CHD8: variants seen among roughly 807,000 people sequenced by gnomAD.
The protein encoded by CHD8 is ATP-dependent chromatin remodeler CHD8.
A neutral mutation model predicts 279.2 loss-of-function variants in CHD8; 31 were observed. That is an observed-to-expected ratio of 0.11 (90% CI 0.08 to 0.15). The LOEUF (loss-of-function observed/expected upper bound fraction) is 0.15, where lower values mean the gene tolerates loss of function less well. CHD8 is among the 10% of genes least tolerant of loss of function. CHD8 has a pLI of 1.00. For synonymous variants in CHD8, 1,081 were observed against 1,139.6 expected, an observed-to-expected ratio of 0.95 and a Z score of 1.04; for missense variants, 2,146 against 3,230.5, an observed-to-expected ratio of 0.66 and a Z score of 8.14.
Position 21,392,495 on chromosome 14 carries a change from T to C in CHD8, c.6771+12A>G. 4 of 1,605,838 alleles carry C rather than the reference T, an allele frequency of 2.5e-6. No homozygotes were observed. The highest frequency in any genetic ancestry group is 3.4e-6 in the Non-Finnish European group (4 of 1,175,234). ...CCTTCCCCACTTCCCAATGCCCAAA[T>C]GCTGAGCTTACATCTTTGATTTGAA... On this transcript the variant is annotated intron_variant, in intron 34 of 37. Transcript: ENST00000646647.
chr14:21,431,440 A>T lies in CHD8; in HGVS notation c.204T>A (p.Pro68=). The T allele has an allele frequency of 6.5e-7, 1 of 1,537,120 alleles. No homozygotes were observed. The highest frequency in any genetic ancestry group is 8.7e-7 in the Non-Finnish European group (1 of 1,146,874). ...VGNSSASELV[P]PPEETAPTEL... ...CTGTGGGAGCTGTTTCCTCTGGTGG[A>T]GGGACCAGTTCACTTGCTGATGAAT... The change falls in exon 2 of 38, where the codon CCT becomes CCA. Residue 68 remains proline, a synonymous_variant. Coordinates refer to ENST00000646647, the MANE Select transcript of CHD8 (RefSeq NM_001170629.2).
chr14:21,421,082 G>A (rs1889022183), intron 5 of CHD8, among the ~76,000 whole-genome samples: 1 of 151,990 alleles, frequency 6.6e-6, no homozygotes, highest in South Asian at 2.1e-4. Flanking sequence ...TTTTTAAACT[G>A]AAAAATCAAA....
intron 11 of CHD8, among the ~76,000 whole-genome samples, chr14:21,409,231 A>G (rs879756287): frequency 6.6e-6 from 1 of 152,218 alleles, no homozygotes; most frequent in Non-Finnish European, 1.5e-5. Flanking sequence ...CTCTAAACCT[A>G]AGCATTCATG....
At chr14:21,401,783 C>T in intron 20 of CHD8, 174 bp downstream of exon 20, 2 of 622,896 alleles carry the variant, frequency 3.2e-6, no homozygotes, top group Non-Finnish European at 5.4e-6. Flanking sequence ...TGAGGTTTCA[C>T]CATGTTGGGC....
Position 21,395,019 on chromosome 14 carries a change from C to G in CHD8, c.5283G>C (p.Lys1761Asn). Residue 1761 changes from lysine (K) to asparagine (N), a missense_variant, in exon 30 of 38, where the codon AAG (lysine) becomes AAC (asparagine). Lys to Asn is a moderately conservative substitution (Grantham distance 94, BLOSUM62 0). Transcript: ENST00000646647. ...RLVTAYQRSY[K>N]REQMKIEAAE... Reference sequence around the variant, plus strand: ...CAGCCTCTATCTTCATTTGTTCTCTCTTGTAGCTGCGCTGATACGCTGTTA... The same window carrying G: ...CAGCCTCTATCTTCATTTGTTCTCTGTTGTAGCTGCGCTGATACGCTGTTA... 6.2e-7 allele frequency: 1 copy of G among 1,614,046 alleles called. No homozygotes were observed. The highest frequency in any genetic ancestry group is 8.5e-7 in the Non-Finnish European group (1 of 1,179,902).
intron 36 of CHD8, 40 bp downstream of exon 36, chr14:21,391,423 G>A: frequency 6.3e-7 from 1 of 1,588,994 alleles, no homozygotes. Flanking sequence ...AAATACCAAA[G>A]GAATGACTTT....
At chr14:21,444,561 G>A (rs1263714893) in intron 1 of CHD8, among the ~76,000 whole-genome samples, 3 of 152,070 alleles carry the variant, frequency 2.0e-5, no homozygotes, top group Non-Finnish European at 4.4e-5. Context: ...TTTGAGTGGT[G>A]AGACTTCACA....
chr14:21,420,785 G>A (rs1303705917), intron 5 of CHD8, among the ~76,000 whole-genome samples: 5 of 149,520 alleles, frequency 3.3e-5, no homozygotes, highest in African/African-American at 1.2e-4. Flanking sequence ...TTTTTGAAAC[G>A]GAGTTTCGCT....
intron 1 of CHD8, among the ~76,000 whole-genome samples, chr14:21,439,805 A>T (rs574744569): frequency 6.6e-6 from 1 of 152,366 alleles, no homozygotes; most frequent in Admixed American, 6.5e-5. Flanking sequence ...CTAGCCAAAA[A>T]AAGACAAATT....
intron 10 of CHD8, among the ~76,000 whole-genome samples, chr14:21,410,575 A>G (rs1566429680): frequency 6.6e-6 from 1 of 152,252 alleles, no homozygotes; most frequent in East Asian, 1.9e-4. Flanking sequence ...AAGTTCAACT[A>G]CAGTAAGTAC....
At chr14:21,442,336 A>G (rs1302189776) in intron 1 of CHD8, among the ~76,000 whole-genome samples, 1 of 152,004 alleles carries the variant, frequency 6.6e-6, no homozygotes, top group Non-Finnish European at 1.5e-5. Context: ...CGTGTGACAC[A>G]GGCCTATAGA....
At chr14:21,426,068 G>T in intron 5 of CHD8, 60 bp downstream of exon 5, 1 of 983,108 alleles carries the variant, frequency 1.0e-6, no homozygotes, top group Non-Finnish European at 1.6e-6. Context: ...TATCTGCTTG[G>T]CTTGGTTAGC....
rs1377415117 is a variant in CHD8 at position 21,456,005 on chromosome 14, A to C, written c.-216+27T>G. 4 of 152,474 alleles carry C rather than the reference A, an allele frequency of 2.6e-5. No individual in the cohort carries two copies. In the East Asian group the frequency reaches 7.7e-4, roughly 29 times the overall value. The allele number at this position is 152,474 out of a possible 1,614,324, so 9.4% of individuals were successfully genotyped here. ...TTTGCTGACTCCTGGCCCAGCACTG[A>C]GGAGCGGGTGCGAGCGGGAAGCCTA... On this transcript the variant is annotated intron_variant, in intron 1 of 37. Coordinates refer to ENST00000646647, the MANE Select transcript of CHD8 (RefSeq NM_001170629.2).
At position 21,385,771 on chromosome 14, in the gene CHD8, G is replaced by C; in HGVS notation, c.7588C>G (p.Arg2530Gly). 3 of 1,550,632 alleles carry C rather than the reference G, an allele frequency of 1.9e-6. No individual in the cohort carries two copies. The highest frequency in any genetic ancestry group is 2.6e-6 in the Non-Finnish European group (3 of 1,146,804). The part of the protein sequence containing the change: ...PVTTASGTTL[R>G]LPPLQPEEDD... Reference sequence around the variant, plus strand: ...TCCTCAGGTTGCAGTGGTGGCAACCGCAAGGTAGTACCAGAGGCGGTAGTC... The same window carrying C: ...TCCTCAGGTTGCAGTGGTGGCAACCCCAAGGTAGTACCAGAGGCGGTAGTC... The change falls in exon 38 of 38, where the codon CGG becomes GGG. Residue 2530 changes from arginine to glycine, a missense_variant. This residue lies in a region of CHD8 where 336 missense variants were observed against 392.9 expected (regional missense o/e 0.86). Transcript: ENST00000646647.
Position 21,430,940 on chromosome 14 carries a change from ACAG to A in CHD8, c.701_703del (p.Ala234del). 1.3e-6 allele frequency: 2 copies of A among 1,599,554 alleles called. No homozygotes were observed. Among genetic ancestry groups the A allele is most frequent in the Non-Finnish European group, 1.7e-6 (2 of 1,179,794 alleles). On this transcript the variant is annotated inframe_deletion, in exon 2 of 38. Transcript: ENST00000646647. The stretch of plus-strand genomic sequence containing the variant: ...TCGGCTGGGCTGGACAATGCGCTGA[ACAG>A]CAGCCTGGTTCCCAGGGACCTTGGC...
chr14:21,399,988 T>C lies in CHD8; in HGVS notation c.4810A>G (p.Ile1604Val). Reference protein sequence around the residue: ...DQAEKVLGGAIASEIDIWFPV... With the variant: ...DQAEKVLGGAVASEIDIWFPV... ...AATATAGCAGAATTTTACCTGGCAATCGCACCCCCTAACACCTTTTCTGCT... is the reference window on the plus strand; with the variant it reads ...AATATAGCAGAATTTTACCTGGCAACCGCACCCCCTAACACCTTTTCTGCT... The change falls in exon 25 of 38, where the codon ATT becomes GTT. Residue 1604 changes from isoleucine (I) to valine (V), a missense_variant. Around this residue, in one of 26 missense-constraint regions of CHD8, gnomAD observed 33 missense variants for 34.8 expected, o/e 0.95. Coordinates refer to ENST00000646647, the MANE Select transcript of CHD8 (RefSeq NM_001170629.2). 1 of 1,612,644 alleles carries C rather than the reference T, an allele frequency of 6.2e-7. No homozygotes were observed. The highest frequency in any genetic ancestry group is 1.1e-5 in the South Asian group (1 of 91,030).
chr14:21,408,846 A>T lies in CHD8; in HGVS notation c.2365-21T>A. 2 of 1,597,062 alleles carry T rather than the reference A, an allele frequency of 1.3e-6. No individual in the cohort carries two copies. Among genetic ancestry groups the T allele is most frequent in the Non-Finnish European group, 1.7e-6 (2 of 1,171,066 alleles). ...CGATTCTAAAAAACAAGACGTTTGA[A>T]TAAATGGAGTGGAGACATTATCAAA... On this transcript the variant is annotated intron_variant, in intron 11 of 37. Coordinates refer to ENST00000646647, the MANE Select transcript of CHD8 (RefSeq NM_001170629.2). This position sits in a 1 kb window ranked among gnomAD's most constrained non-coding sequence, Gnocchi z 4.3.
At chr14:21,444,830 T>G (rs1448373270) in intron 1 of CHD8, among the ~76,000 whole-genome samples, 1 of 152,232 alleles carries the variant, frequency 6.6e-6, no homozygotes, top group Non-Finnish European at 1.5e-5. Context: ...ATACATCACC[T>G]CAATTATTAT....
At chr14:21,426,266 T>A in intron 4 of CHD8, 24 bp from the exon 5 acceptor site, 1 of 1,279,240 alleles carries the variant, frequency 7.8e-7, no homozygotes, top group South Asian at 1.3e-5. Context: ...ACCAAATTCA[T>A]TTTCAGTGAA....
Sources: allele counts gnomAD v4.1 joint callset (sites outside exome capture counted in the v4.1 genomes callset), GRCh38; gene constraint gnomAD v4.1.1; regional missense constraint gnomAD v4.1.1; non-coding constraint Gnocchi (gnomAD v3.1); transcripts MANE v1.5; gene names NCBI Gene and HGNC (gene_info 2026-07-23, HGNC 2026-07-21).